The following CALN1 variants were observed in gnomAD, a reference collection of about 807,000 sequenced individuals.
The protein encoded by CALN1 is calcium-binding protein 8.
Under a neutral mutation model 30.6 loss-of-function variants are expected in CALN1, and 17 were observed. The observed-to-expected ratio is 0.56, with a 90% CI of 0.38 to 0.83. The LOEUF (loss-of-function observed/expected upper bound fraction) is 0.83. CALN1 is among the 40% of genes least tolerant of loss of function. CALN1 has a pLI of 0.00. For synonymous variants in CALN1, 156 were observed against 131.4 expected (o/e 1.19, Z -1.28); for missense variants, 291 against 354.9 (o/e 0.82, Z 1.45).
chr7:72,308,883 C>G (rs1285130350), intron 2 of CALN1, among the ~76,000 whole-genome samples: 2 of 152,088 alleles, frequency 1.3e-5, no homozygotes, highest in African/African-American at 2.4e-5. Context: ...ATGCAAGTAC[C>G]AAAGGAAAAT....
intron 3 of CALN1, among the ~76,000 whole-genome samples, chr7:72,158,508 GA>G (rs1787879233): frequency 6.6e-6 from 1 of 152,190 alleles, no homozygotes. Context: ...GAAAATGCCA[GA>G]AACTCACTTT....
chr7:72,432,124 G>A (rs532352146), intron 1 of CALN1, among the ~76,000 whole-genome samples: 2 of 152,208 alleles, frequency 1.3e-5, no homozygotes, highest in South Asian at 2.1e-4. Context: ...GGACCCAGTG[G>A]GAGGTAACTG....
intron 3 of CALN1, among the ~76,000 whole-genome samples, chr7:72,267,337 C>T (rs542732758): frequency 5.3e-5 from 8 of 152,318 alleles, no homozygotes; most frequent in African/African-American, 1.4e-4. Context: ...AACCAGCCCC[C>T]CTCCTGGCAT....
At position 71,879,973 on chromosome 7, in the gene CALN1, G is replaced by GA. The variant is rs1232124641; in HGVS notation, c.502-69482dup. Among the ~76,000 whole-genome samples, 10 of 151,966 alleles carry GA rather than the reference G, an allele frequency of 6.6e-5. No homozygotes were observed. The East Asian group carries it at 1.7e-3, about 26-fold the overall frequency. On this transcript the variant is annotated intron_variant, in intron 5 of 6. Coordinates refer to ENST00000395275, the MANE Select transcript of CALN1 (RefSeq NM_031468.4). ...TCTAGGTACTGTAAGCCAAATCCTT[G>GA]AAAAAACAGAGGTTAGGCTGGGCAT...
intron 5 of CALN1, among the ~76,000 whole-genome samples, chr7:71,862,378 G>A (rs747416509): frequency 2.0e-5 from 3 of 152,170 alleles, no homozygotes; most frequent in Non-Finnish European, 2.9e-5. Context: ...GAATCATGGA[G>A]GCAGGTCTTT....
intron 5 of CALN1, among the ~76,000 whole-genome samples, chr7:71,837,243 CAAAAAAAAAAAA>C (rs55977265): frequency 5.1e-5 from 4 of 79,124 alleles, no homozygotes; most frequent in African/African-American, 1.9e-4. Flanking sequence ...AAAAAAAAGA[CAAAAAAAAAAAA>C]AAAAAAAAAA....
At chr7:71,830,297 C>T (rs1055439824) in intron 5 of CALN1, among the ~76,000 whole-genome samples, 5 of 152,080 alleles carry the variant, frequency 3.3e-5, no homozygotes, top group Non-Finnish European at 7.3e-5. Context: ...CCCGCCTCGG[C>T]CTCCCAAAAT....
chr7:72,309,389 C>T (rs1799882356), intron 2 of CALN1, among the ~76,000 whole-genome samples: 1 of 152,064 alleles, frequency 6.6e-6, no homozygotes, highest in Non-Finnish European at 1.5e-5. Context: ...TCAAAAGGGT[C>T]CCAAGGAACT....
intron 3 of CALN1, among the ~76,000 whole-genome samples, chr7:72,271,581 T>TATATATAC (rs1796997304): frequency 1.4e-5 from 1 of 71,378 alleles, no homozygotes; most frequent in South Asian, 5.1e-4. Flanking sequence ...AAAAAATATA[T>TATATATAC]ATATATATAT....
At chr7:72,271,341 A>G (rs1324352009) in intron 3 of CALN1, among the ~76,000 whole-genome samples, 1 of 151,766 alleles carries the variant, frequency 6.6e-6, no homozygotes, top group East Asian at 1.9e-4. Flanking sequence ...TACTTCTTTA[A>G]TCTTTTTTAA....
intron 2 of CALN1, among the ~76,000 whole-genome samples, chr7:72,299,534 T>C (rs1240140545): frequency 6.6e-6 from 1 of 151,954 alleles, no homozygotes; most frequent in African/African-American, 2.4e-5. Context: ...TTATAAACGA[T>C]ATAAATAAAG....
intron 2 of CALN1, among the ~76,000 whole-genome samples, chr7:72,288,385 G>T (rs1798244676): frequency 6.6e-6 from 1 of 152,292 alleles, no homozygotes; most frequent in Non-Finnish European, 1.5e-5. Flanking sequence ...AGACATGGGG[G>T]TAGGGGCTCT....
chr7:72,334,518 C>A (rs1465244916), intron 2 of CALN1, among the ~76,000 whole-genome samples: 1 of 152,102 alleles, frequency 6.6e-6, no homozygotes, highest in African/African-American at 2.4e-5. Flanking sequence ...ACCCCTCAAC[C>A]TGTACCCCCC....
chr7:72,343,791 G>C (rs965198606), intron 2 of CALN1, among the ~76,000 whole-genome samples: 1 of 152,158 alleles, frequency 6.6e-6, no homozygotes, highest in Non-Finnish European at 1.5e-5. Context: ...TTCTCTGCTG[G>C]GTTAGAAAGG....
intron 4 of CALN1, among the ~76,000 whole-genome samples, chr7:72,098,764 G>GCGCGCACACACA (rs1414936509): frequency 3.9e-4 from 55 of 142,830 alleles, no homozygotes; most frequent in African/African-American, 1.4e-3. Flanking sequence ...CATTTGGCGC[G>GCGCGCACACACA]CACACACACA....
chr7:71,882,850 T>TTGTG (rs34870061), intron 5 of CALN1, among the ~76,000 whole-genome samples: 17,660 of 130,778 alleles, frequency 0.14, 1,417 homozygotes, highest in East Asian at 0.37. Flanking sequence ...CCCATCTAAT[T>TTGTG]TGTGTGTGTG....
chr7:72,251,450 C>T (rs1351864434), intron 3 of CALN1, among the ~76,000 whole-genome samples: 1 of 152,008 alleles, frequency 6.6e-6, no homozygotes, highest in Non-Finnish European at 1.5e-5. Context: ...CCAGGCCAGA[C>T]TGCAGTGGTG....
chr7:71,924,242 T>A (rs1229185778), intron 5 of CALN1, among the ~76,000 whole-genome samples: 1 of 62,216 alleles, frequency 1.6e-5, no homozygotes, highest in Admixed American at 2.2e-4. Context: ...CAGATCTTTT[T>A]AAAAAAGATT....
chr7:71,910,463 A>G (rs12164040), intron 5 of CALN1, among the ~76,000 whole-genome samples: 49,966 of 152,028 alleles, frequency 0.33, 9,215 homozygotes, highest in East Asian at 0.53. Flanking sequence ...TCCGTGCACC[A>G]AACGTTTGTT....
Sources: gnomAD v4.1 joint callset for allele counts (sites outside exome capture counted in the v4.1 genomes callset) on GRCh38, gnomAD v4.1.1 for gene constraint, MANE v1.5 for transcripts, NCBI Gene and HGNC (gene_info 2026-07-23, HGNC 2026-07-21) for gene names.